Variants in ARHGEF7 observed in about 807,000 individuals in gnomAD.
ARHGEF7 encodes the protein PAK-interacting exchange factor beta.
ARHGEF7 carries 33 observed loss-of-function variants against 109.8 expected under a neutral mutation model. The observed-to-expected ratio is 0.30, with a 90% CI of 0.23 to 0.40. The LOEUF (loss-of-function observed/expected upper bound fraction) is 0.40. ARHGEF7 is among the 10% of genes least tolerant of loss of function. The pLI is 1.00. For synonymous variants in ARHGEF7, 458 were observed against 424.6 expected (o/e 1.08, Z -0.97); for missense variants, 938 against 1,098.5 (o/e 0.85, Z 2.07).
At chr13:111,176,913 C>T (rs920998752) in intron 2 of ARHGEF7, among the ~76,000 whole-genome samples, 13 of 152,176 alleles carry the variant, frequency 8.5e-5, no homozygotes, top group African/African-American at 2.9e-4. Flanking sequence ...TGTACCACCA[C>T]GCCCCACTAA....
intron 8 of ARHGEF7, among the ~76,000 whole-genome samples, chr13:111,261,204 A>G (rs1394230077): frequency 6.6e-6 from 1 of 152,036 alleles, no homozygotes; most frequent in African/African-American, 2.4e-5. Context: ...TGAATGGATT[A>G]AAAAAAACCA....
At chr13:111,256,420 T>G (rs2090430194) in intron 8 of ARHGEF7, among the ~76,000 whole-genome samples, 1 of 152,254 alleles carries the variant, frequency 6.6e-6, no homozygotes, top group Admixed American at 6.5e-5. Context: ...GTCCTGAGCC[T>G]GCTCCGGTTC....
At chr13:111,190,658 C>G (rs1454780429) in intron 2 of ARHGEF7, among the ~76,000 whole-genome samples, 2 of 152,150 alleles carry the variant, frequency 1.3e-5, no homozygotes, top group African/African-American at 4.8e-5. Context: ...TTGTATGGCT[C>G]TGCGATGACA....
Position 111,300,841 on chromosome 13 carries a change from A to G in ARHGEF7, c.2405A>G (p.Glu802Gly). ...AAAAGTAATGGTCAGACAGTGATAG[A>G]AGAAAAGTAAGATGTCTTCCGGTAT... ...ETKSNGQTVI[E>G]EKSLVDTVYA... The change falls in exon 20 of 22, where the codon GAA becomes GGA. Residue 802 changes from glutamate (E) to glycine (G), a missense_variant. Around this residue, in one of 4 missense-constraint regions of ARHGEF7, gnomAD observed 166 missense variants for 167.3 expected, o/e 0.99. Transcript: ENST00000646102. 2 of 1,589,006 alleles carry G rather than the reference A, an allele frequency of 1.3e-6. No homozygotes were observed. Among genetic ancestry groups the G allele is most frequent in the Non-Finnish European group, 1.7e-6 (2 of 1,160,724 alleles).
intron 2 of ARHGEF7, among the ~76,000 whole-genome samples, chr13:111,187,573 T>C (rs1352777462): frequency 6.6e-6 from 1 of 152,242 alleles, no homozygotes; most frequent in Non-Finnish European, 1.5e-5. Context: ...GGATCTTTAT[T>C]ATATGAAGTA....
At chr13:111,154,064 C>G (rs1184699921) in intron 2 of ARHGEF7, 73 bp downstream of exon 2, 16 of 1,409,214 alleles carry the variant, frequency 1.1e-5, no homozygotes, top group African/African-American at 1.5e-5. Flanking sequence ...GTGCTTCGCT[C>G]CAGCCGGACC....
intron 2 of ARHGEF7, among the ~76,000 whole-genome samples, chr13:111,178,429 A>G (rs2078382090): frequency 6.6e-6 from 1 of 152,214 alleles, no homozygotes; most frequent in South Asian, 2.1e-4. Flanking sequence ...TTTCTGTGAT[A>G]GTTTAGAGAA....
At chr13:111,269,966 C>G (rs2092004300) in intron 9 of ARHGEF7, among the ~76,000 whole-genome samples, 1 of 152,172 alleles carries the variant, frequency 6.6e-6, no homozygotes, top group Non-Finnish European at 1.5e-5. Flanking sequence ...TCTGCTCATG[C>G]TGTGGAGTAA....
At chr13:111,160,773 T>G (rs2076682002) in intron 2 of ARHGEF7, among the ~76,000 whole-genome samples, 1 of 152,052 alleles carries the variant, frequency 6.6e-6, no homozygotes, top group Admixed American at 6.5e-5. Flanking sequence ...GATCTGATGG[T>G]TTTATAAGGG....
intron 7 of ARHGEF7, 55 bp from the exon 8 acceptor site, chr13:111,244,144 A>T: frequency 7.2e-7 from 1 of 1,393,522 alleles, no homozygotes; most frequent in South Asian, 1.3e-5. Flanking sequence ...GGCAAAGGAG[A>T]AGAATATAAA....
At position 111,275,656 on chromosome 13, in the gene ARHGEF7, T is replaced by C; in HGVS notation, c.1397T>C (p.Leu466Pro). ...AACGTCACTTACATGTCCCAGGTCC[T>C]GATTCAGTGTGCCGGAAGTGAGGTA... is the stretch of plus-strand genomic sequence containing the variant. ...LGNVTYMSQV[L>P]IQCAGSEEKN... is the part of the protein sequence containing the mutation. Residue 466 changes from leucine to proline, a missense_variant, in exon 12 of 22, where the codon CTG (leucine) becomes CCG (proline). Leu to Pro is a moderately conservative substitution (Grantham distance 98). Around this residue, in one of 4 missense-constraint regions of ARHGEF7, gnomAD observed 585 missense variants for 723.6 expected, o/e 0.81. Transcript: ENST00000646102. 2 of 1,614,164 alleles carry C rather than the reference T, an allele frequency of 1.2e-6. No individual in the cohort carries two copies. The highest frequency in any genetic ancestry group is 1.7e-6 in the Non-Finnish European group (2 of 1,180,022).
chr13:111,249,180 TG>T lies in ARHGEF7; in HGVS notation c.950+4887del, dbSNP rs2089382250. On this transcript the variant is annotated intron_variant, in intron 8 of 21. Coordinates refer to ENST00000646102, the MANE Select transcript of ARHGEF7 (RefSeq NM_001354046.2). The stretch of plus-strand genomic sequence containing the variant: ...GGTAGAACCAAACCCTGTGGATTTT[TG>T]TTGGAGTTTTAGCTGTTCCACATAA... 3.3e-5 allele frequency among the ~76,000 whole-genome samples: 5 copies of T among 152,264 alleles called. No homozygotes were observed. In the South Asian group the frequency reaches 1.0e-3, roughly 32 times the overall value.
intron 1 of ARHGEF7, among the ~76,000 whole-genome samples, chr13:111,124,613 C>T (rs1280894986): frequency 6.6e-6 from 1 of 152,250 alleles, no homozygotes; most frequent in Non-Finnish European, 1.5e-5. Context: ...GACTCTCAGA[C>T]AGGTGGCTTG....
At position 111,223,427 on chromosome 13, in the gene ARHGEF7, G is replaced by T. The variant is rs185721035; in HGVS notation, c.670+5547G>T. ...TCTCTTCTGAATTATATTTTAATTTGATGTACAAATAGTTTTACTGAGTAA... is the reference window on the plus strand; with the variant it reads ...TCTCTTCTGAATTATATTTTAATTTTATGTACAAATAGTTTTACTGAGTAA... On this transcript the variant is annotated intron_variant, in intron 5 of 21. Transcript: ENST00000646102. Among the ~76,000 whole-genome samples the T allele has an allele frequency of 2.4e-3, 360 of 152,272 alleles. 1 individual carries two copies. The highest frequency in any genetic ancestry group is 8.3e-3 in the African/African-American group (345 of 41,552).
intron 5 of ARHGEF7, among the ~76,000 whole-genome samples, chr13:111,232,868 G>A (rs924557219): frequency 7.2e-5 from 11 of 152,132 alleles, no homozygotes; most frequent in African/African-American, 2.2e-4. Context: ...TTTTATTTGG[G>A]TGACGCTTTA....
At chr13:111,212,129 A>C (rs190043669) in intron 4 of ARHGEF7, among the ~76,000 whole-genome samples, 3 of 152,324 alleles carry the variant, frequency 2.0e-5, no homozygotes, top group South Asian at 4.1e-4. Flanking sequence ...TGAAACCGTC[A>C]GCCCCCTGCC....
At chr13:111,241,440 GTGTT>G in intron 6 of ARHGEF7, 2 of 1,246,524 alleles carry the variant, frequency 1.6e-6, no homozygotes, top group Non-Finnish European at 2.2e-6. Flanking sequence ...GCCTGGCTGT[GTGTT>G]TGAGGAAAAG....
chr13:111,162,710 T>G (rs576487670), intron 2 of ARHGEF7, among the ~76,000 whole-genome samples: 1 of 152,340 alleles, frequency 6.6e-6, no homozygotes, highest in African/African-American at 2.4e-5. Flanking sequence ...AGTTCTTTTA[T>G]TATACTGCTC....
chr13:111,132,671 G>T (rs2074822368), intron 1 of ARHGEF7, among the ~76,000 whole-genome samples: 1 of 152,142 alleles, frequency 6.6e-6, no homozygotes, highest in African/African-American at 2.4e-5. Context: ...AAATCCAGGG[G>T]TGCTCATTGG....
Sources: gnomAD v4.1 joint callset for allele counts (sites outside exome capture counted in the v4.1 genomes callset) on GRCh38, gnomAD v4.1.1 for gene constraint, gnomAD v4.1.1 regional missense constraint, MANE v1.5 for transcripts, NCBI Gene and HGNC (gene_info 2026-07-23, HGNC 2026-07-21) for gene names.